Variants in MUC4 observed in about 807,000 individuals in gnomAD.
MUC4 encodes the protein mucin-4.
MUC4 carries 202 observed loss-of-function variants against 257.9 expected under a neutral mutation model. The ratio of observed to expected loss-of-function variants is 0.78; its 90% CI spans 0.70 to 0.88. The LOEUF is 0.88. Among genes scored for constraint, MUC4 ranks in the 40% least tolerant of loss-of-function variants. MUC4 has a pLI of 0.00. For synonymous variants in MUC4, 2,351 were observed against 2,757.1 expected, an observed-to-expected ratio of 0.85 and a Z score of 4.62; for missense variants, 5,976 against 6,513.7, an observed-to-expected ratio of 0.92 and a Z score of 2.84.
At chr3:195,799,229 CTGTGTGTGTGTGTG>C (rs56897401) in intron 1 of MUC4, among the ~76,000 whole-genome samples, 5 of 120,182 alleles carry the variant, frequency 4.2e-5, no homozygotes, top group Non-Finnish European at 9.4e-5. Context: ...ATGTGTGACA[CTGTGTGTGTGTGTG>C]TGTGTGTGTG....
At chr3:195,793,013 A>T (rs1422247030) in intron 1 of MUC4, among the ~76,000 whole-genome samples, 1 of 151,920 alleles carries the variant, frequency 6.6e-6, no homozygotes, top group Non-Finnish European at 1.5e-5. Context: ...GAGCGTCAGG[A>T]TAAATAGCTA....
chr3:195,750,588 C>T, intron 23 of MUC4: 1 of 502,842 alleles, frequency 2.0e-6, no homozygotes, highest in Non-Finnish European at 3.5e-6. Flanking sequence ...AGTGCAATGG[C>T]ATTTTAAGAA....
intron 1 of MUC4, among the ~76,000 whole-genome samples, chr3:195,796,434 C>T (rs1292515438): frequency 4.7e-5 from 7 of 148,452 alleles, no homozygotes; most frequent in East Asian, 2.2e-4. Flanking sequence ...TAATCTAGGC[C>T]GGGTGCGGTG....
chr3:195,770,107 G>T, intron 6 of MUC4, 109 bp downstream of exon 6: 1 of 1,172,554 alleles, frequency 8.5e-7, no homozygotes, highest in Non-Finnish European at 1.1e-6. Context: ...GCTATAATTA[G>T]CAATCTTTCC....
In MUC4 at chr3:195,783,431, CACCTGTGTATGCTGAGGAAGTGTCG is replaced by C; in HGVS notation, c.8124_8148del (p.Asp2709ThrfsTer287). 2 of 515,386 alleles carry C rather than the reference CACCTGTGTATGCTGAGGAAGTGTCG, an allele frequency of 3.9e-6. 1 individual carries two copies. Among genetic ancestry groups the C allele is most frequent in the Non-Finnish European group, 5.6e-6 (2 of 357,696 alleles). 31.9% of individuals were successfully genotyped at this position (515,386 alleles called of 1,614,324 possible). ...TCGGTGACAGGAAGAGAGGTGGTGTCACCTGTGTATGCTGAGGAAGTGTCGGTGACAGGAAGAGAGGTGGTGTCAC... is the reference window on the plus strand; with the variant it reads ...TCGGTGACAGGAAGAGAGGTGGTGTCGTGACAGGAAGAGAGGTGGTGTCAC... On this transcript the variant is annotated frameshift_variant, in exon 2 of 25. Transcript: ENST00000463781. LOFTEE classifies it high-confidence loss of function.
intron 1 of MUC4, among the ~76,000 whole-genome samples, chr3:195,800,289 A>C (rs1335792274): frequency 6.6e-6 from 1 of 152,088 alleles, no homozygotes; most frequent in Non-Finnish European, 1.5e-5. Context: ...AAAAAAAAAA[A>C]AATTCTTGCT....
rs549590197 is a variant in MUC4, at chr3:195,756,952, C to T, written c.15168+195G>A. ...CTGAGATTAAAGGCGTGAGCCACTG[C>T]ACCCGGCCAGAAAGTTCTCTTTCTT... On this transcript the variant is annotated intron_variant, in intron 18 of 24. Coordinates refer to ENST00000463781, the MANE Select transcript of MUC4 (RefSeq NM_018406.7). Among the ~76,000 whole-genome samples, 14 of 152,296 alleles carry T rather than the reference C, an allele frequency of 9.2e-5. No individual in the cohort carries two copies. The East Asian group carries it at 2.7e-3, about 29-fold the overall frequency.
At position 195,780,311 on chromosome 3, in the gene MUC4, G is replaced by A. The variant is rs764390054; in HGVS notation, c.11269C>T (p.His3757Tyr). 2.5e-5 allele frequency: 37 copies of A among 1,503,656 alleles called. No homozygotes were observed. Among genetic ancestry groups the A allele is most frequent in the Non-Finnish European group, 3.1e-5 (35 of 1,127,012 alleles). The allele number at this position is 1,503,656 out of a possible 1,614,324, so 93.1% of individuals were successfully genotyped here. ...TCGGTGACAAGAAGAGGGGTGGCGT[G>A]ACCTGTGGATGCTGAGGAAGTGCTG... is the stretch of plus-strand genomic sequence containing the variant. ...VTSTSSASTGHATPLLVTDAS... is the reference protein window; with the variant it reads ...VTSTSSASTGYATPLLVTDAS... Residue 3757 changes from histidine to tyrosine, a missense_variant, in exon 2 of 25, where the codon CAC becomes TAC. Transcript: ENST00000463781.
intron 7 of MUC4, among the ~76,000 whole-genome samples, chr3:195,767,915 G>GCCACCA (rs71180959): frequency 2.7e-5 from 3 of 110,848 alleles, no homozygotes; most frequent in African/African-American, 7.3e-5. Flanking sequence ...CATCACCATC[G>GCCACCA]CCACTGCCAC....
Position 195,766,664 on chromosome 3 carries a change from T to G in MUC4, c.13617A>C (p.Ser4539=). 6.2e-7 allele frequency: 1 copy of G among 1,614,102 alleles called. No individual in the cohort carries two copies. The change falls in exon 8 of 25, where the codon TCA becomes TCC. Residue 4539 remains serine, a splice_region_variant and synonymous_variant. Transcript: ENST00000463781. ...YRPDRFLNSN[S]GLQGLQFYRL... The stretch of plus-strand genomic sequence containing the variant: ...GGTGTGATAAGGTGGCACTTTTACC[T>G]GAGTTGGAATTCAGGAATCTATCAG...
At chr3:195,764,876 C>T (rs1241728475) in intron 10 of MUC4, 121 bp downstream of exon 10, 83 of 1,397,274 alleles carry the variant, frequency 5.9e-5, no homozygotes, top group Non-Finnish European at 6.9e-5. Flanking sequence ...TAACGTTACC[C>T]GATCAGGAAG....
Position 195,761,126 on chromosome 3 carries a change from C to T in MUC4, c.14615-9G>A. On this transcript the variant is annotated splice_polypyrimidine_tract_variant and intron_variant, in intron 15 of 24. Coordinates refer to ENST00000463781, the MANE Select transcript of MUC4 (RefSeq NM_018406.7). Reference sequence around the variant, plus strand: ...TGTCCCGTTGATCTGCCCTGTAACACACAGAGCGCGGTGGTACCAGGCATG... The same window carrying T: ...TGTCCCGTTGATCTGCCCTGTAACATACAGAGCGCGGTGGTACCAGGCATG... 6.2e-7 allele frequency: 1 copy of T among 1,609,582 alleles called. No homozygotes were observed. The highest frequency in any genetic ancestry group is 8.5e-7 in the Non-Finnish European group (1 of 1,175,840).
chr3:195,752,167 C>T (rs1017092757), intron 21 of MUC4: 11 of 578,586 alleles, frequency 1.9e-5, no homozygotes, highest in Admixed American at 8.9e-5. Context: ...GCACCCTGGC[C>T]TCTGCTTATG....
Position 195,781,804 on chromosome 3 carries a change from G to T in MUC4, c.9776C>A (p.Thr3259Lys), listed in dbSNP as rs377248344. 2 of 1,093,152 alleles carry T rather than the reference G, an allele frequency of 1.8e-6. No individual in the cohort carries two copies. The highest frequency in any genetic ancestry group is 1.8e-5 in the South Asian group (1 of 54,822). 67.7% of individuals were successfully genotyped at this position (1,093,152 alleles called of 1,614,324 possible). A position where few individuals can be genotyped will look rare whatever the true frequency, so the allele number is the denominator to read the frequency against. ...GACAGGAAGAGAGGTGGTGTCACCT[G>T]TGGATGCTGAGGAAGTGTCGGTGAC... ...LPVTDTSSAS[T>K]GDTTSLPVTD... Residue 3259 changes from threonine (T) to lysine (K), a missense_variant, in exon 2 of 25, where the codon ACA (threonine) becomes AAA (lysine). By Grantham distance (78) the Thr-to-Lys change is moderately conservative. This residue lies in a region of MUC4 where 51 missense variants were observed against 66.9 expected (regional missense o/e 0.76). Coordinates refer to ENST00000463781, the MANE Select transcript of MUC4 (RefSeq NM_018406.7).
intron 1 of MUC4, among the ~76,000 whole-genome samples, chr3:195,792,254 C>A (rs1395182710): frequency 6.6e-6 from 1 of 152,084 alleles, no homozygotes; most frequent in Non-Finnish European, 1.5e-5. Flanking sequence ...GGTCTAATAT[C>A]CAGAATTTAC....
intron 7 of MUC4, among the ~76,000 whole-genome samples, chr3:195,767,563 G>GCCACCACCATCACCACCACCATCACCA (rs1721117243): frequency 4.9e-5 from 1 of 20,280 alleles, no homozygotes; most frequent in Non-Finnish European, 8.6e-5. Context: ...CATTACCATT[G>GCCACCACCATCACCACCACCATCACCA]CCACCACCAT....
chr3:195,759,274 G>A lies in MUC4; in HGVS notation c.14849-13C>T. 6.2e-7 allele frequency: 1 copy of A among 1,613,428 alleles called. No individual in the cohort carries two copies. Among genetic ancestry groups the A allele is most frequent in the South Asian group, 1.1e-5 (1 of 90,986 alleles). On this transcript the variant is annotated splice_polypyrimidine_tract_variant and intron_variant, in intron 16 of 24. Transcript: ENST00000463781. Reference sequence around the variant, plus strand: ...GGCGGGTACTGATCTGAAACACAAAGAGGGAATGGGGGTTCCGAGGCAGGA... The same window carrying A: ...GGCGGGTACTGATCTGAAACACAAAAAGGGAATGGGGGTTCCGAGGCAGGA...
intron 1 of MUC4, among the ~76,000 whole-genome samples, chr3:195,791,765 C>T (rs752217998): frequency 6.6e-6 from 1 of 152,210 alleles, no homozygotes; most frequent in African/African-American, 2.4e-5. Context: ...ACCAAAACAG[C>T]ATGGTACTGG....
In MUC4 at chr3:195,757,348, A is replaced by G; in HGVS notation, c.14987-20T>C. The G allele has an allele frequency of 1.3e-6, 2 of 1,579,854 alleles. No individual in the cohort carries two copies. Among genetic ancestry groups the G allele is most frequent in the Non-Finnish European group, 1.7e-6 (2 of 1,154,046 alleles). On this transcript the variant is annotated intron_variant, in intron 17 of 24. Coordinates refer to ENST00000463781, the MANE Select transcript of MUC4 (RefSeq NM_018406.7). The surrounding 1 kb of genome is among the most constrained non-coding windows in gnomAD (Gnocchi z 4.8). ...CATTCTCTGCCCCGGGGAAGATGAG[A>G]ATGTTGAGAGCTGGGAGACTCCTCG...
Sources: gnomAD v4.1 joint callset for allele counts (sites outside exome capture counted in the v4.1 genomes callset) on GRCh38, gnomAD v4.1.1 for gene constraint, gnomAD v4.1.1 regional missense constraint, Gnocchi (gnomAD v3.1) non-coding constraint, MANE v1.5 for transcripts, NCBI Gene and HGNC (gene_info 2026-07-23, HGNC 2026-07-21) for gene names.